The following RYR3 variants were observed in gnomAD, a reference collection of about 807,000 sequenced individuals.
RYR3 encodes brain ryanodine receptor-calcium release channel.
In RYR3, 207 loss-of-function variants were observed where a neutral mutation model predicts 584.3. The ratio of observed to expected loss-of-function variants is 0.35; its 90% CI spans 0.32 to 0.40. RYR3 has a LOEUF of 0.40. RYR3 is among the 10% of genes least tolerant of loss of function. RYR3 has a pLI of 1.00. For synonymous variants in RYR3, 2,416 were observed against 2,248.5 expected (o/e 1.07, Z -2.11); for missense variants, 5,616 against 6,089.2 (o/e 0.92, Z 2.59).
intron 72 of RYR3, among the ~76,000 whole-genome samples, chr15:33,812,283 T>G (rs1281033640): frequency 1.3e-5 from 2 of 152,138 alleles, no homozygotes; most frequent in East Asian, 1.9e-4. Flanking sequence ...TATTTTTTTT[T>G]GATTACAAAG....
chr15:33,810,576 T>G lies in RYR3; in HGVS notation c.10124T>G (p.Leu3375Arg). 1 of 1,614,030 alleles carries G rather than the reference T, an allele frequency of 6.2e-7. No individual in the cohort carries two copies. Among genetic ancestry groups the G allele is most frequent in the South Asian group, 1.1e-5 (1 of 91,086 alleles). Reference protein sequence around the residue: ...SLIVAALKKMLPIGLNMCTPG... With the variant: ...SLIVAALKKMRPIGLNMCTPG... The stretch of plus-strand genomic sequence containing the variant: ...ATCGTGGCTGCACTCAAGAAAATGC[T>G]GCCCATTGGTTTGAATATGTGTACT... The change falls in exon 71 of 104, where the codon CTG becomes CGG. Residue 3375 changes from leucine to arginine, a missense_variant. Physicochemically the swap from Leu to Arg is moderately radical, Grantham distance 102 (BLOSUM62 -2). Transcript: ENST00000634891.
At chr15:33,695,736 A>G (rs2065798465) in intron 38 of RYR3, among the ~76,000 whole-genome samples, 1 of 151,886 alleles carries the variant, frequency 6.6e-6, no homozygotes, top group Admixed American at 6.6e-5. Flanking sequence ...TTGTCTTTTG[A>G]TGATATATTC....
At chr15:33,455,075 C>T (rs1303498471) in intron 1 of RYR3, among the ~76,000 whole-genome samples, 2 of 152,182 alleles carry the variant, frequency 1.3e-5, no homozygotes, top group African/African-American at 4.8e-5. Context: ...ACTAGGGAAA[C>T]AGCAGTGGGA....
At chr15:33,853,171 G>C (rs79847071) in intron 95 of RYR3, 84 bp downstream of exon 95, 23,257 of 1,155,302 alleles carry the variant, frequency 0.02, 533 homozygotes, top group Non-Finnish European at 0.018. Flanking sequence ...ACAAACATGA[G>C]TAAATGTGAT....
chr15:33,368,710 G>T (rs901611183), intron 1 of RYR3, among the ~76,000 whole-genome samples: 5 of 152,072 alleles, frequency 3.3e-5, no homozygotes, highest in Non-Finnish European at 7.3e-5. Flanking sequence ...TTGTCGGAGT[G>T]CCCCAGAACC....
intron 43 of RYR3, among the ~76,000 whole-genome samples, chr15:33,708,944 G>A (rs1407917769): frequency 3.5e-5 from 5 of 142,600 alleles, no homozygotes; most frequent in Admixed American, 6.8e-5. Context: ...GTGCTTCGGC[G>A]GGAGTCAGGA....
intron 1 of RYR3, among the ~76,000 whole-genome samples, chr15:33,387,233 G>A (rs2041668742): frequency 6.6e-6 from 1 of 152,140 alleles, no homozygotes; most frequent in Non-Finnish European, 1.5e-5. Context: ...CTAATCCACT[G>A]ATGGACAATT....
chr15:33,578,774 A>AC (rs1555536815), intron 12 of RYR3, among the ~76,000 whole-genome samples: 95 of 140,112 alleles, frequency 6.8e-4, no homozygotes, highest in African/African-American at 2.3e-3. Context: ...ATAAAAAAAA[A>AC]AAAACAACAA....
chr15:33,680,570 G>A (rs2064517858), intron 38 of RYR3, among the ~76,000 whole-genome samples: 1 of 152,240 alleles, frequency 6.6e-6, no homozygotes, highest in African/African-American at 2.4e-5. Context: ...TTGCAAGCAA[G>A]GATCCCGAGA....
Position 33,785,746 on chromosome 15 carries a change from C to G in RYR3, c.9353C>G (p.Ala3118Gly), listed in dbSNP as rs2074667683. ...CTGATGAAGGAAATCAACGACCTGG[C>G]CGAGTCAGGGGCCCGGTACACAGAG... ...EGLMKEINDLAESGARYTEMP... is the reference protein window; with the variant it reads ...EGLMKEINDLGESGARYTEMP... Residue 3118 changes from alanine to glycine, a missense_variant, in exon 66 of 104, where the codon GCC becomes GGC. Coordinates refer to ENST00000634891, the MANE Select transcript of RYR3 (RefSeq NM_001036.6). 1 of 1,613,922 alleles carries G rather than the reference C, an allele frequency of 6.2e-7. No homozygotes were observed. Among genetic ancestry groups the G allele is most frequent in the Non-Finnish European group, 8.5e-7 (1 of 1,179,852 alleles).
At chr15:33,519,943 T>C (rs911786537) in intron 3 of RYR3, among the ~76,000 whole-genome samples, 7 of 152,160 alleles carry the variant, frequency 4.6e-5, no homozygotes, top group African/African-American at 1.2e-4. Flanking sequence ...ATGCTCATTA[T>C]GTGGATATAG....
chr15:33,815,561 T>C (rs1418894514), intron 74 of RYR3: 4 of 268,796 alleles, frequency 1.5e-5, no homozygotes, highest in Admixed American at 5.3e-5. Context: ...TAAGAGTAAG[T>C]CTAGGAATTC....
chr15:33,703,334 A>G lies in RYR3; in HGVS notation c.6483+2254A>G, dbSNP rs1329212124. Among the ~76,000 whole-genome samples, 7 of 152,218 alleles carry G rather than the reference A, an allele frequency of 4.6e-5. No homozygotes were observed. In the East Asian group the frequency reaches 1.3e-3, roughly 29 times the overall value. ...TTTGCTGGGGCTGCCATAACAAAGT[A>G]CCACAGGTTGGGTGACATAAACATC... On this transcript the variant is annotated intron_variant, in intron 42 of 103. Coordinates refer to ENST00000634891, the MANE Select transcript of RYR3 (RefSeq NM_001036.6).
intron 1 of RYR3, among the ~76,000 whole-genome samples, chr15:33,327,071 C>T (rs1401433466): frequency 1.3e-5 from 2 of 151,150 alleles, no homozygotes; most frequent in Non-Finnish European, 2.9e-5. Flanking sequence ...AAAGACGAGA[C>T]GCATGTTACA....
intron 103 of RYR3, among the ~76,000 whole-genome samples, chr15:33,864,603 G>C (rs761770433): frequency 3.3e-5 from 5 of 151,498 alleles, no homozygotes; most frequent in Non-Finnish European, 7.4e-5. Flanking sequence ...CATGTGAGAG[G>C]ATGAGTGAAA....
chr15:33,764,327 A>G (rs1393486199), intron 60 of RYR3, among the ~76,000 whole-genome samples: 1 of 152,166 alleles, frequency 6.6e-6, no homozygotes, highest in Non-Finnish European at 1.5e-5. Flanking sequence ...TAACACAGGA[A>G]CAGAAAACCA....
chr15:33,586,856 C>T (rs2058874336), intron 16 of RYR3, among the ~76,000 whole-genome samples: 1 of 152,122 alleles, frequency 6.6e-6, no homozygotes, highest in Non-Finnish European at 1.5e-5. Flanking sequence ...AACATCTGCA[C>T]ACACGGGGAC....
intron 3 of RYR3, among the ~76,000 whole-genome samples, chr15:33,509,481 CAT>C (rs2052777947): frequency 6.6e-6 from 1 of 152,174 alleles, no homozygotes; most frequent in African/African-American, 2.4e-5. Flanking sequence ...GAGGAGGAAA[CAT>C]GACTGATGGA....
At chr15:33,863,865 G>A (rs1209675388) in intron 102 of RYR3, among the ~76,000 whole-genome samples, 3 of 152,116 alleles carry the variant, frequency 2.0e-5, no homozygotes, top group African/African-American at 7.2e-5. Context: ...TAAAATGGTG[G>A]CCAAAATGCT....
Sources: allele counts gnomAD v4.1 joint callset (sites outside exome capture counted in the v4.1 genomes callset), GRCh38; gene constraint gnomAD v4.1.1; transcripts MANE v1.5; gene names NCBI Gene and HGNC (gene_info 2026-07-23, HGNC 2026-07-21).